Variants in PCP4L1 observed in about 807,000 individuals in gnomAD.
The protein encoded by PCP4L1 is Purkinje cell protein 4-like protein 1.
Under a neutral mutation model 9.6 loss-of-function variants are expected in PCP4L1, and 9 were observed. The ratio of observed to expected loss-of-function variants is 0.94; its 90% CI spans 0.57 to 1.64. PCP4L1 has a LOEUF of 1.64. PCP4L1 is among the 40% of genes most tolerant of loss of function. The pLI is 0.00. For missense variants in PCP4L1, 81 were observed against 80.8 expected, an observed-to-expected ratio of 1.00 and a Z score of -0.01; for synonymous variants, 31 against 28.2, an observed-to-expected ratio of 1.10 and a Z score of -0.31.
At position 161,281,417 on chromosome 1, in the gene PCP4L1, G is replaced by A. The variant is rs571081612; in HGVS notation, c.10-2251G>A. 2.0e-3 allele frequency among the ~76,000 whole-genome samples: 300 copies of A among 152,188 alleles called. 1 individual carries two copies. Among genetic ancestry groups the A allele is most frequent in the African/African-American group, 6.9e-3 (287 of 41,540 alleles). On this transcript the variant is annotated intron_variant, in intron 1 of 2. Transcript: ENST00000504449. Reference sequence around the variant, plus strand: ...GGCTCCTCACTTCCCACAAGGGGCGGCCGGGCAGAGGCGCCCCCACCTCCC... The same window carrying A: ...GGCTCCTCACTTCCCACAAGGGGCGACCGGGCAGAGGCGCCCCCACCTCCC...
intron 1 of PCP4L1, among the ~76,000 whole-genome samples, chr1:161,275,987 G>A (rs1174863864): frequency 6.6e-6 from 1 of 151,890 alleles, no homozygotes; most frequent in Non-Finnish European, 1.5e-5. Context: ...TAGAGATGGG[G>A]TTTCGCCATG....
chr1:161,261,163 G>C (rs535538306), intron 1 of PCP4L1, among the ~76,000 whole-genome samples: 1 of 152,252 alleles, frequency 6.6e-6, no homozygotes, highest in South Asian at 2.1e-4. Context: ...TGAATCTTAC[G>C]TAAGTTTCAC....
At chr1:161,259,044 G>A in intron 1 of PCP4L1, 61 bp downstream of exon 1, 1 of 1,517,104 alleles carries the variant, frequency 6.6e-7, no homozygotes, top group Non-Finnish European at 8.8e-7. Flanking sequence ...GCTGCGGCTC[G>A]GGATCCCAGG....
At chr1:161,284,288 G>A in intron 2 of PCP4L1, 51 bp from the exon 3 acceptor site, 1 of 1,613,644 alleles carries the variant, frequency 6.2e-7, no homozygotes, top group Non-Finnish European at 8.5e-7. Flanking sequence ...TGGAGAAAGG[G>A]TCTAGAGCAG....
intron 1 of PCP4L1, among the ~76,000 whole-genome samples, chr1:161,277,437 C>G (rs1669717666): frequency 6.6e-6 from 1 of 152,154 alleles, no homozygotes; most frequent in Non-Finnish European, 1.5e-5. Flanking sequence ...TCCTCAACAT[C>G]TTTCTAAGCC....
chr1:161,282,260 G>A (rs909395675), intron 1 of PCP4L1, among the ~76,000 whole-genome samples: 30 of 152,220 alleles, frequency 2.0e-4, no homozygotes, highest in African/African-American at 6.7e-4. Flanking sequence ...GGCGGCGCGC[G>A]CCTGCAATAG....
At chr1:161,282,396 ACCGTG>A (rs1669837773) in intron 1 of PCP4L1, among the ~76,000 whole-genome samples, 1 of 108,560 alleles carries the variant, frequency 9.2e-6, no homozygotes, top group African/African-American at 3.5e-5. Context: ...GGAGAGGGAG[ACCGTG>A]GGGAGAGGGA....
At chr1:161,282,558 C>A (rs775559215) in intron 1 of PCP4L1, among the ~76,000 whole-genome samples, 15 of 152,206 alleles carry the variant, frequency 9.9e-5, no homozygotes, top group Non-Finnish European at 2.2e-4. Context: ...ATCCATATAT[C>A]AATAGCTCCC....
intron 1 of PCP4L1, among the ~76,000 whole-genome samples, chr1:161,278,109 C>T (rs998559417): frequency 2.2e-4 from 34 of 152,146 alleles, no homozygotes; most frequent in Non-Finnish European, 1.0e-4. Context: ...TCATTTCCAT[C>T]AGCATTTAAA....
chr1:161,264,345 C>G (rs550505237), intron 1 of PCP4L1, among the ~76,000 whole-genome samples: 47 of 151,736 alleles, frequency 3.1e-4, no homozygotes, highest in Non-Finnish European at 6.2e-4. Context: ...GGTGAAACCC[C>G]GTCTCTATTA....
chr1:161,284,305 T>C (rs771574040), intron 2 of PCP4L1, 34 bp from the exon 3 acceptor site: 3 of 1,613,780 alleles, frequency 1.9e-6, no homozygotes, highest in South Asian at 2.2e-5. Flanking sequence ...GCAGGTCAGA[T>C]TAACTCATTA....
intron 1 of PCP4L1, among the ~76,000 whole-genome samples, chr1:161,259,272 C>T (rs1021863301): frequency 2.0e-5 from 3 of 152,138 alleles, no homozygotes; most frequent in Non-Finnish European, 4.4e-5. Flanking sequence ...AGGTCATCCC[C>T]TCTGGATACT....
rs1188751911 is a variant in PCP4L1, at chr1:161,259,096, C to T, written c.9+113C>T. On this transcript the variant is annotated intron_variant, in intron 1 of 2. Transcript: ENST00000504449. The stretch of plus-strand genomic sequence containing the variant: ...AGGCAGACCGGAGCCGCGAAGAACC[C>T]TCCAGGGGCGCCCCACTGCCCTCCT... 4.3e-6 allele frequency: 6 copies of T among 1,407,378 alleles called. No homozygotes were observed. The African/African-American group carries it at 7.4e-5, about 17-fold the overall frequency. The allele number at this position is 1,407,378 out of a possible 1,614,324, so 87.2% of individuals were successfully genotyped here. A position where few individuals can be genotyped will look rare whatever the true frequency, so the allele number is the denominator to read the frequency against.
intron 1 of PCP4L1, among the ~76,000 whole-genome samples, chr1:161,282,393 G>T (rs1173783568): frequency 3.6e-5 from 5 of 137,602 alleles, no homozygotes; most frequent in Non-Finnish European, 7.8e-5. Flanking sequence ...GAGGGAGAGG[G>T]AGACCGTGGG....
chr1:161,275,238 C>T (rs866668575), intron 1 of PCP4L1, among the ~76,000 whole-genome samples: 13 of 152,050 alleles, frequency 8.5e-5, no homozygotes, highest in Non-Finnish European at 1.6e-4. Flanking sequence ...GTCCAGTGGC[C>T]GGGTGTGGTG....
intron 1 of PCP4L1, among the ~76,000 whole-genome samples, chr1:161,276,116 G>A (rs1184412464): frequency 6.6e-6 from 1 of 152,098 alleles, no homozygotes; most frequent in Non-Finnish European, 1.5e-5. Flanking sequence ...TTACAGTGTG[G>A]ACAAACCTCT....
Position 161,284,529 on chromosome 1 carries a change from TC to T in PCP4L1, c.*52del. The T allele has an allele frequency of 1.3e-6, 2 of 1,587,498 alleles. No homozygotes were observed. The highest frequency in any genetic ancestry group is 1.7e-6 in the Non-Finnish European group (2 of 1,166,408). ...TTCACCTTCATGCTGGTCCCTTCTC[TC>T]CCCTTCTCCACACCCATGTATCTTT... On this transcript the variant is annotated 3_prime_UTR_variant, in exon 3 of 3. Transcript: ENST00000504449.
chr1:161,261,487 A>G (rs1281916442), intron 1 of PCP4L1, among the ~76,000 whole-genome samples: 2 of 152,130 alleles, frequency 1.3e-5, no homozygotes, highest in African/African-American at 4.8e-5. Flanking sequence ...TGCAGGCGGG[A>G]CTTGATTGCT....
At chr1:161,269,701 C>T (rs781321411) in intron 1 of PCP4L1, among the ~76,000 whole-genome samples, 6 of 151,896 alleles carry the variant, frequency 4.0e-5, no homozygotes, top group African/African-American at 9.7e-5. Flanking sequence ...CCTTTTAGGC[C>T]GTATTAAGGA....
Sources: gnomAD v4.1 joint callset for allele counts (sites outside exome capture counted in the v4.1 genomes callset) on GRCh38, gnomAD v4.1.1 for gene constraint, MANE v1.5 for transcripts, NCBI Gene and HGNC (gene_info 2026-07-23, HGNC 2026-07-21) for gene names.